Variants in FAAH2 observed in about 807,000 individuals in gnomAD.
The protein encoded by FAAH2 is fatty acid amide hydrolase 2.
Under a neutral mutation model 36.9 loss-of-function variants are expected in FAAH2, and 60 were observed. The ratio of observed to expected loss-of-function variants is 1.63; its 90% CI spans 1.32 to 2.02. The LOEUF (loss-of-function observed/expected upper bound fraction) is 2.02. Among genes scored for constraint, FAAH2 ranks in the 30% most tolerant of loss-of-function variants. The pLI is 0.00. For synonymous variants in FAAH2, 214 were observed against 143.8 expected, an observed-to-expected ratio of 1.49 and a Z score of -3.49; for missense variants, 689 against 397.5, an observed-to-expected ratio of 1.73 and a Z score of -6.23.
intron 7 of FAAH2, among the ~76,000 whole-genome samples, chrX:57,399,614 C>T (rs1489084866): frequency 9.0e-6 from 1 of 111,454 alleles, no homozygotes; most frequent in Admixed American, 9.5e-5. Flanking sequence ...TTCTATTTCC[C>T]TTTTCTTTCC....
chrX:57,271,154 G>A, the FAAH2 span, among the ~76,000 whole-genome samples: 3 of 112,376 alleles, frequency 2.7e-5, no homozygotes, highest in Admixed American at 9.4e-5. Flanking sequence ...GGAGGGAGGG[G>A]CATCTGCCAT....
chrX:57,368,819 C>T (rs1412537316), intron 5 of FAAH2, among the ~76,000 whole-genome samples: 1 of 110,741 alleles, frequency 9.0e-6, no homozygotes, highest in Non-Finnish European at 1.9e-5. Context: ...CATGAAAAGT[C>T]AAGGAAATAT....
chrX:57,218,564 G>C, the FAAH2 span, among the ~76,000 whole-genome samples: 1 of 111,659 alleles, frequency 9.0e-6, no homozygotes, highest in Non-Finnish European at 1.9e-5. Flanking sequence ...TGATTGTGGT[G>C]GATTACCTTT....
chrX:57,205,850 C>A, the FAAH2 span, among the ~76,000 whole-genome samples: 1 of 111,996 alleles, frequency 8.9e-6, no homozygotes, highest in Non-Finnish European at 1.9e-5. Context: ...TAAAAGCTTG[C>A]TGTATTTGTG....
the FAAH2 span, among the ~76,000 whole-genome samples, chrX:57,140,417 C>CACAA: frequency 1.5e-5 from 1 of 64,830 alleles, no homozygotes; most frequent in East Asian, 4.5e-4. Flanking sequence ...CCATCTCTAC[C>CACAA]AAAAAAAAAA....
chrX:57,143,296 C>T, the FAAH2 span, among the ~76,000 whole-genome samples: 4 of 110,027 alleles, frequency 3.6e-5, no homozygotes, highest in South Asian at 4.0e-4. Context: ...TTCATGGATA[C>T]GAGGAGACTT....
chrX:57,364,104 C>CT (rs1318431232), intron 5 of FAAH2, among the ~76,000 whole-genome samples: 1 of 93,563 alleles, frequency 1.1e-5, no homozygotes, highest in Non-Finnish European at 2.0e-5. Flanking sequence ...CCCTCCTTGA[C>CT]TTTTTGGAAT....
At chrX:57,440,766 G>A (rs922343764) in intron 8 of FAAH2, among the ~76,000 whole-genome samples, 2 of 111,416 alleles carry the variant, frequency 1.8e-5, no homozygotes, top group Admixed American at 9.6e-5. Flanking sequence ...ATTATTTTGA[G>A]ACACGTGCCA....
intron 3 of FAAH2, among the ~76,000 whole-genome samples, chrX:57,319,961 C>T (rs1465194165): frequency 9.0e-6 from 1 of 111,640 alleles, no homozygotes; most frequent in Non-Finnish European, 1.9e-5. Context: ...AATGACTAGC[C>T]ATATGCAGAA....
At chrX:57,225,317 C>T in the FAAH2 span, among the ~76,000 whole-genome samples, 18 of 110,557 alleles carry the variant, frequency 1.6e-4, no homozygotes, top group East Asian at 2.6e-3. Flanking sequence ...TAGCTGTATC[C>T]GAAAGTTTTT....
chrX:57,223,946 TGTCCTTAAA>T, the FAAH2 span, among the ~76,000 whole-genome samples: 3 of 111,613 alleles, frequency 2.7e-5, no homozygotes, highest in African/African-American at 9.8e-5. Flanking sequence ...AAATTACGTC[TGTCCTTAAA>T]GCCCAACTCA....
At chrX:57,291,298 A>C (rs1013892457) in intron 1 of FAAH2, among the ~76,000 whole-genome samples, 21 of 112,135 alleles carry the variant, frequency 1.9e-4, no homozygotes, top group African/African-American at 6.8e-4. Flanking sequence ...TAAAACAGAA[A>C]AGTATATGAC....
the FAAH2 span, among the ~76,000 whole-genome samples, chrX:57,172,711 C>T: frequency 8.9e-6 from 1 of 111,773 alleles, no homozygotes; most frequent in Non-Finnish European, 1.9e-5. Flanking sequence ...CTCCTAGAGT[C>T]AGGCCAGTCA....
chrX:57,220,709 G>A, the FAAH2 span, among the ~76,000 whole-genome samples: 3 of 111,983 alleles, frequency 2.7e-5, no homozygotes, highest in Non-Finnish European at 5.6e-5. Context: ...CCTCCACCTG[G>A]CGCCTATTTC....
chrX:57,359,970 G>GTT (rs763849674), intron 5 of FAAH2, among the ~76,000 whole-genome samples: 7 of 98,724 alleles, frequency 7.1e-5, no homozygotes, highest in African/African-American at 1.8e-4. Flanking sequence ...TTTTCAGGGT[G>GTT]TTTTTTTTTT....
At position 57,478,531 on chromosome X, in the gene FAAH2, C is replaced by A. The variant is rs146550422; in HGVS notation, c.1424-10226C>A. Among the ~76,000 whole-genome samples, 537 of 111,579 alleles carry A rather than the reference C, an allele frequency of 4.8e-3. 1 individual carries two copies. The highest frequency in any genetic ancestry group is 7.6e-3 in the Non-Finnish European group (401 of 53,098). ...TCAATTTTGGCTTTTGTTGTAATTG[C>A]TTTTGGTGTTTTAGACATGATGTCC... On this transcript the variant is annotated intron_variant, in intron 10 of 10. Transcript: ENST00000374900.
At chrX:57,260,616 T>C in the FAAH2 span, among the ~76,000 whole-genome samples, 4 of 111,556 alleles carry the variant, frequency 3.6e-5, no homozygotes, top group South Asian at 1.1e-3. Context: ...AATGAGAAAA[T>C]GGCAAAACAT....
chrX:57,136,955 C>G, the FAAH2 span: 1 of 876,265 alleles, frequency 1.1e-6, no homozygotes, highest in Non-Finnish European at 1.5e-6. Flanking sequence ...CCACTACCCT[C>G]CTGCCCTGAG....
At chrX:57,336,331 A>C (rs112321716) in intron 4 of FAAH2, among the ~76,000 whole-genome samples, 11 of 98,622 alleles carry the variant, frequency 1.1e-4, no homozygotes, top group Admixed American at 2.3e-4. Context: ...AAATGGCCCC[A>C]CCCCTATCTC....
Sources: gnomAD v4.1 joint callset for allele counts (sites outside exome capture counted in the v4.1 genomes callset) on GRCh38, gnomAD v4.1.1 for gene constraint, MANE v1.5 for transcripts, NCBI Gene and HGNC (gene_info 2026-07-23, HGNC 2026-07-21) for gene names.